Variants in VMA12 observed in about 807,000 individuals in gnomAD.
VMA12 encodes vacuolar ATPase assembly factor VMA12, also known as vacuolar ATPase assembly protein VMA12.
At chr17:28,357,780 C>T in the VMA12 span, 1,012 of 1,613,698 alleles carry the variant, frequency 6.3e-4, no homozygotes, top group Non-Finnish European at 8.0e-4. Context: ...CTTGAGGCCG[C>T]GCTGGGGAAG....
the VMA12 span, chr17:28,357,976 A>G: frequency 1.5e-6 from 2 of 1,305,008 alleles, no homozygotes; most frequent in Non-Finnish European, 2.1e-6. Flanking sequence ...TCTACGGAGC[A>G]CTCATCTAGA....
At chr17:28,359,837 G>A in the VMA12 span, among the ~76,000 whole-genome samples, 3 of 152,082 alleles carry the variant, frequency 2.0e-5, no homozygotes, top group African/African-American at 4.8e-5. Flanking sequence ...CCCAGGAGGC[G>A]GAGGCAGAGG....
chr17:28,361,299 C>G, the VMA12 span: 1 of 1,577,242 alleles, frequency 6.3e-7, no homozygotes, highest in Non-Finnish European at 8.7e-7. Flanking sequence ...GGGCTTCAGG[C>G]TCCAATTGGC....
At chr17:28,359,068 CT>C in the VMA12 span, 1 of 1,343,910 alleles carries the variant, frequency 7.4e-7, no homozygotes, top group Non-Finnish European at 1.0e-6. Context: ...TATAAATCAA[CT>C]TTTAGGCTTG....
the VMA12 span, chr17:28,360,890 G>A: frequency 3.3e-6 from 5 of 1,534,290 alleles, no homozygotes; most frequent in Non-Finnish European, 4.5e-6. Flanking sequence ...TGGTGGGGGT[G>A]TTAGTGGGTA....
At chr17:28,361,186 T>G in the VMA12 span, 1 of 1,614,080 alleles carries the variant, frequency 6.2e-7, no homozygotes, top group Non-Finnish European at 8.5e-7. Context: ...TCGTCGCCTC[T>G]GTGGTGGGTC....
At chr17:28,357,933 C>T in the VMA12 span, 2 of 1,586,016 alleles carry the variant, frequency 1.3e-6, no homozygotes, top group South Asian at 1.1e-5. Flanking sequence ...AGATCGATTC[C>T]CTCCTGAGGT....
At chr17:28,358,961 A>G in the VMA12 span, 22 of 1,612,734 alleles carry the variant, frequency 1.4e-5, no homozygotes, top group East Asian at 2.2e-5. Flanking sequence ...AGTGAAATCT[A>G]TCTCCCAGAG....
At chr17:28,357,738 C>T in the VMA12 span, 40 of 1,613,476 alleles carry the variant, frequency 2.5e-5, 1 homozygote, top group South Asian at 4.1e-4. Flanking sequence ...GAGCTGGAGC[C>T]AGAGCGGCTA....
the VMA12 span, chr17:28,360,524 C>G: frequency 2.5e-6 from 4 of 1,613,854 alleles, no homozygotes; most frequent in Middle Eastern, 1.7e-4. Context: ...TTTTCTTTTT[C>G]CCAGGATACA....
At chr17:28,359,318 C>G in the VMA12 span, 1 of 1,613,960 alleles carries the variant, frequency 6.2e-7, no homozygotes, top group Admixed American at 1.7e-5. Flanking sequence ...GCTTCAGAAC[C>G]CAGAACTAGT....
At chr17:28,359,249 A>G in the VMA12 span, 3 of 1,549,952 alleles carry the variant, frequency 1.9e-6, no homozygotes, top group South Asian at 1.1e-5. Context: ...CCTGGAACCA[A>G]TGATTGTGAT....
chr17:28,363,209 GTT>G, the VMA12 span: 1 of 152,190 alleles, frequency 6.6e-6, no homozygotes, highest in Admixed American at 6.5e-5. Flanking sequence ...AAACACCATG[GTT>G]TTCTCTCCAA....
the VMA12 span, chr17:28,359,172 A>G: frequency 2.0e-6 from 2 of 995,598 alleles, no homozygotes; most frequent in Non-Finnish European, 2.9e-6. Context: ...AAAAAAAAAA[A>G]CAGTTTCAAA....
the VMA12 span, chr17:28,362,770 G>A: frequency 6.6e-6 from 1 of 152,212 alleles, no homozygotes; most frequent in Non-Finnish European, 1.5e-5. Context: ...TCATGCTATT[G>A]CACTCTAGCC....
chr17:28,360,554 G>C, the VMA12 span: 1 of 1,614,196 alleles, frequency 6.2e-7, no homozygotes, highest in South Asian at 1.1e-5. Context: ...GGGACTCTCA[G>C]CGACCTGGGA....
chr17:28,363,200 A>G, the VMA12 span: 1 of 152,228 alleles, frequency 6.6e-6, no homozygotes, highest in African/African-American at 2.4e-5. Context: ...GCAGACCGCA[A>G]ACACCATGGT....
At chr17:28,363,011 T>C in the VMA12 span, 1 of 152,258 alleles carries the variant, frequency 6.6e-6, no homozygotes, top group African/African-American at 2.4e-5. Flanking sequence ...TTAGGGCCTG[T>C]CTGGAGAGGG....
the VMA12 span, chr17:28,360,351 C>G: frequency 1.7e-6 from 1 of 593,542 alleles, no homozygotes; most frequent in South Asian, 1.9e-5. Flanking sequence ...CAGCCTATGT[C>G]CTCTCTCCGA....
Sources: allele counts gnomAD v4.1 joint callset (sites outside exome capture counted in the v4.1 genomes callset), GRCh38; gene constraint gnomAD v4.1.1; transcripts MANE v1.5; gene names NCBI Gene and HGNC (gene_info 2026-07-23, HGNC 2026-07-21).